MCM9: variants seen among roughly 807,000 people sequenced by gnomAD.
The protein encoded by MCM9 is minichromosome maintenance 9 homologous recombination repair factor.
Under a neutral mutation model 72.8 loss-of-function variants are expected in MCM9, and 55 were observed. The observed-to-expected ratio is 0.76, with a 90% CI of 0.61 to 0.95. The LOEUF is 0.95. Ranked by LOEUF, MCM9 falls within the 40% of genes least tolerant of loss-of-function variation. The pLI, the probability that MCM9 is intolerant of heterozygous loss-of-function variation, is 0.00. For synonymous variants in MCM9, 480 were observed against 503.4 expected (o/e 0.95, Z 0.62); for missense variants, 1,279 against 1,377.0 (o/e 0.93, Z 1.13).
At chr6:118,817,896 T>C (rs934765003) in intron 13 of MCM9, among the ~76,000 whole-genome samples, 1 of 152,250 alleles carries the variant, frequency 6.6e-6, no homozygotes, top group Non-Finnish European at 1.5e-5. Flanking sequence ...CCAGTGATGA[T>C]GAGCTTTTTT....
intron 1 of MCM9, among the ~76,000 whole-genome samples, chr6:118,933,757 G>A (rs10080855): frequency 0.058 from 8,790 of 152,136 alleles, 366 homozygotes; most frequent in East Asian, 0.19. Flanking sequence ...CGTTTAAGAA[G>A]TACATATAGC....
rs1024936796 is a variant in MCM9 at position 118,907,287 on chromosome 6, T to G, written c.1150+4363A>C. The G allele has an allele frequency of 1.2e-5, 8 of 678,864 alleles. No homozygotes were observed. The Admixed American group carries it at 1.9e-4, about 16-fold the overall frequency. 42.1% of individuals were successfully genotyped at this position (678,864 alleles called of 1,614,324 possible). ...ACTTAACTTGAATTATACCTTTGTA[T>G]ATGAACTTAGCCCTTTAGGAGTACT... On this transcript the variant is annotated intron_variant, in intron 8 of 13. Transcript: ENST00000619706.
chr6:118,885,287 T>C (rs1778531046), intron 8 of MCM9, among the ~76,000 whole-genome samples: 1 of 151,940 alleles, frequency 6.6e-6, no homozygotes, highest in South Asian at 2.1e-4. Flanking sequence ...GCTTCTACGT[T>C]AAGACACTGG....
chr6:118,883,362 A>AAT (rs1266836494), intron 8 of MCM9, among the ~76,000 whole-genome samples: 4 of 151,650 alleles, frequency 2.6e-5, no homozygotes, highest in Non-Finnish European at 2.9e-5. Flanking sequence ...TAATCAGAAT[A>AAT]ATATATATAT....
At position 118,846,206 on chromosome 6, in the gene MCM9, C is replaced by T. The variant is rs973636159; in HGVS notation, c.1325+10165G>A. On this transcript the variant is annotated intron_variant, in intron 9 of 13. Transcript: ENST00000619706. ...TTCAACATATCCTCCAAAGACCTTACGGATAAACAAAGCAAGCAAATAAAC... is the reference window on the plus strand; with the variant it reads ...TTCAACATATCCTCCAAAGACCTTATGGATAAACAAAGCAAGCAAATAAAC... Among the ~76,000 whole-genome samples, 23 of 151,788 alleles carry T rather than the reference C, an allele frequency of 1.5e-4. 1 individual carries two copies. The highest frequency in any genetic ancestry group is 5.3e-4 in the African/African-American group (22 of 41,122).
intron 6 of MCM9, among the ~76,000 whole-genome samples, chr6:118,913,920 T>C (rs1197494115): frequency 6.6e-6 from 1 of 152,164 alleles, no homozygotes; most frequent in Non-Finnish European, 1.5e-5. Context: ...ATGTACTTTC[T>C]ATGTGACAAT....
chr6:118,932,656 C>A lies in MCM9; in HGVS notation c.-65G>T, dbSNP rs1352414242. 1.0e-6 allele frequency: 1 copy of A among 976,822 alleles called. No homozygotes were observed. Among genetic ancestry groups the A allele is most frequent in the East Asian group, 1.1e-4 (1 of 8,768 alleles). 60.5% of individuals were successfully genotyped at this position (976,822 alleles called of 1,614,324 possible). A position where few individuals can be genotyped will look rare whatever the true frequency, so the allele number is the denominator to read the frequency against. ...CTGACATGAATAATTAACAGACTGT[C>A]CTTAGAAATTCATACTTGGAAGTGA... On this transcript the variant is annotated 5_prime_UTR_variant, in exon 2 of 14. Transcript: ENST00000619706.
intron 8 of MCM9, among the ~76,000 whole-genome samples, chr6:118,872,028 A>G (rs149115225): frequency 0.01 from 1,576 of 151,650 alleles, 30 homozygotes; most frequent in African/African-American, 0.036. Flanking sequence ...AAACTAGAAA[A>G]TAATAAAGGC....
intron 8 of MCM9, among the ~76,000 whole-genome samples, chr6:118,885,889 G>A (rs1334740190): frequency 2.0e-5 from 3 of 151,960 alleles, no homozygotes; most frequent in East Asian, 1.9e-4. Flanking sequence ...TATCACTTAC[G>A]AATACAGATG....
chr6:118,859,389 C>T (rs1776766766), intron 8 of MCM9, among the ~76,000 whole-genome samples: 1 of 152,168 alleles, frequency 6.6e-6, no homozygotes. Flanking sequence ...CAAGTCACTA[C>T]TTCAACCTAA....
chr6:118,918,098 C>T (rs1781111873), intron 5 of MCM9: 3 of 268,096 alleles, frequency 1.1e-5, no homozygotes, highest in Admixed American at 4.9e-5. Context: ...AAATGTTCAT[C>T]CTCTGAGTCT....
intron 8 of MCM9, among the ~76,000 whole-genome samples, chr6:118,861,427 C>T (rs1286678421): frequency 1.3e-5 from 2 of 152,178 alleles, no homozygotes; most frequent in African/African-American, 2.4e-5. Context: ...ACAGCTCTTT[C>T]AGTCCCATCA....
intron 6 of MCM9, among the ~76,000 whole-genome samples, chr6:118,914,149 T>C (rs902047147): frequency 5.9e-5 from 9 of 152,286 alleles, no homozygotes; most frequent in Admixed American, 2.6e-4. Flanking sequence ...GGAACAAAGT[T>C]ACAGGGGCAT....
At chr6:118,921,975 C>A (rs1222885770) in intron 5 of MCM9, 30 bp downstream of exon 5, 6 of 1,567,330 alleles carry the variant, frequency 3.8e-6, no homozygotes, top group Non-Finnish European at 5.2e-6. Flanking sequence ...ACTACCTACA[C>A]AAGCTAAAAA....
At chr6:118,821,789 C>G (rs1326598267) in intron 13 of MCM9, among the ~76,000 whole-genome samples, 1 of 152,104 alleles carries the variant, frequency 6.6e-6, no homozygotes, top group African/African-American at 2.4e-5. Flanking sequence ...TTCACACAGT[C>G]CCATATTTCT....
Position 118,917,660 on chromosome 6 carries a change from G to C in MCM9, c.805C>G (p.Gln269Glu). The C allele has an allele frequency of 1.2e-6, 2 of 1,614,074 alleles. No individual in the cohort carries two copies. Among genetic ancestry groups the C allele is most frequent in the Non-Finnish European group, 1.7e-6 (2 of 1,179,992 alleles). ...VEIVLKANYI[Q>E]VNNEQSSGII... ...CCTGAGGACTGCTCATTATTTACTT[G>C]GATGTAATTTGCTTTCAGGACTATC... The change falls in exon 6 of 14, where the codon CAA (glutamine) becomes GAA (glutamate). Residue 269 changes from glutamine to glutamate, a missense_variant. Transcript: ENST00000619706.
chr6:118,894,151 C>G, intron 8 of MCM9: 1 of 1,244,576 alleles, frequency 8.0e-7, no homozygotes, highest in Non-Finnish European at 1.0e-6. Context: ...GGAGGAGGGT[C>G]AGAACTCGGG....
chr6:118,894,017 T>C (rs1227653333), intron 8 of MCM9: 14 of 987,944 alleles, frequency 1.4e-5, no homozygotes, highest in African/African-American at 1.7e-5. Context: ...CCAGCCCTTA[T>C]TCCACTCACT....
chr6:118,889,007 G>T (rs2114439135), intron 8 of MCM9, among the ~76,000 whole-genome samples: 1 of 152,190 alleles, frequency 6.6e-6, no homozygotes, highest in African/African-American at 2.4e-5. Flanking sequence ...TGTGATGATG[G>T]TTGCACACCT....
Sources: allele counts gnomAD v4.1 joint callset (sites outside exome capture counted in the v4.1 genomes callset), GRCh38; gene constraint gnomAD v4.1.1; transcripts MANE v1.5; gene names NCBI Gene and HGNC (gene_info 2026-07-23, HGNC 2026-07-21).